The following DOCK11 variants were observed in gnomAD, a reference collection of about 807,000 sequenced individuals.
DOCK11 encodes dedicator of cytokinesis protein 11.
Under a neutral mutation model 169.1 loss-of-function variants are expected in DOCK11, and 70 were observed. The ratio of observed to expected loss-of-function variants is 0.41; its 90% CI spans 0.34 to 0.51. The LOEUF (loss-of-function observed/expected upper bound fraction) is 0.51. Among genes scored for constraint, DOCK11 ranks in the 20% least tolerant of loss-of-function variants. DOCK11 has a pLI of 0.10. For missense variants in DOCK11, 1,166 were observed against 1,538.8 expected (o/e 0.76, Z 4.05); for synonymous variants, 529 against 541.3 (o/e 0.98, Z 0.32).
At chrX:118,568,424 A>G (rs1234302416) in intron 10 of DOCK11, among the ~76,000 whole-genome samples, 1 of 45,499 alleles carries the variant, frequency 2.2e-5, no homozygotes, top group East Asian at 7.5e-4. Flanking sequence ...ATATATATAT[A>G]TTTCTCAGTT....
chrX:118,546,171 T>A, intron 6 of DOCK11, 55 bp downstream of exon 6: 1 of 430,454 alleles, frequency 2.3e-6, no homozygotes, highest in East Asian at 4.5e-5. Context: ...GCATAAGTAG[T>A]CTATCTGGAA....
intron 6 of DOCK11, among the ~76,000 whole-genome samples, chrX:118,557,486 A>G (rs1385142232): frequency 9.0e-6 from 1 of 110,930 alleles, no homozygotes; most frequent in African/African-American, 3.3e-5. Flanking sequence ...AGTCCAAGGA[A>G]GGCCGGGCGC....
At chrX:118,561,021 G>T (rs891846512) in intron 6 of DOCK11, among the ~76,000 whole-genome samples, 1 of 111,580 alleles carries the variant, frequency 9.0e-6, no homozygotes, top group Non-Finnish European at 1.9e-5. Flanking sequence ...GTTTATTCTT[G>T]GATTCGTGGT....
rs2016779659 is a variant in DOCK11, at chrX:118,683,061, T to G, written c.5964-18T>G. 3 of 1,191,924 alleles carry G rather than the reference T, an allele frequency of 2.5e-6. No homozygotes were observed. The highest frequency in any genetic ancestry group is 2.3e-6 in the Non-Finnish European group (2 of 885,866). On this transcript the variant is annotated intron_variant, in intron 51 of 52. Transcript: ENST00000276202. The stretch of plus-strand genomic sequence containing the variant: ...AAGAATAAATAACAAGACCTTTATC[T>G]TTGATATTCATCCACAGGAAATTTA...
intron 19 of DOCK11, among the ~76,000 whole-genome samples, chrX:118,592,462 A>G (rs931234860): frequency 3.6e-5 from 4 of 112,084 alleles, no homozygotes; most frequent in African/African-American, 1.3e-4. Flanking sequence ...CATGCTTTCA[A>G]TCATTCACTG....
chrX:118,642,291 A>G (rs756146146), intron 39 of DOCK11, among the ~76,000 whole-genome samples: 5 of 111,891 alleles, frequency 4.5e-5, no homozygotes, highest in African/African-American at 1.6e-4. Flanking sequence ...GTGCTTTACA[A>G]ATATTAACTC....
At chrX:118,626,253 G>C (rs1249309188) in intron 32 of DOCK11, among the ~76,000 whole-genome samples, 1 of 58,870 alleles carries the variant, frequency 1.7e-5, no homozygotes, top group African/African-American at 4.7e-5. Flanking sequence ...ACTTTTAGTA[G>C]AGACGGGGGG....
chrX:118,545,932 G>A (rs1004934589), intron 5 of DOCK11, 89 bp from the exon 6 acceptor site: 4 of 582,957 alleles, frequency 6.9e-6, no homozygotes, highest in Middle Eastern at 4.9e-4. Flanking sequence ...TTAGGAAATG[G>A]GCAGGGCCTC....
chrX:118,523,845 A>C (rs1027958365), intron 1 of DOCK11, among the ~76,000 whole-genome samples: 2 of 111,864 alleles, frequency 1.8e-5, no homozygotes, highest in African/African-American at 6.5e-5. Context: ...CTGAAGAGAA[A>C]GGAAATAAGG....
chrX:118,670,585 A>G (rs2016445015), intron 45 of DOCK11, among the ~76,000 whole-genome samples: 2 of 111,932 alleles, frequency 1.8e-5, no homozygotes, highest in Non-Finnish European at 3.8e-5. Flanking sequence ...TAAACCACCA[A>G]CACAATAGCT....
At chrX:118,581,336 CA>C (rs983597559) in intron 14 of DOCK11, among the ~76,000 whole-genome samples, 2 of 111,192 alleles carry the variant, frequency 1.8e-5, no homozygotes, top group Non-Finnish European at 3.8e-5. Flanking sequence ...CCTTGTTTTG[CA>C]GACTGGTAAA....
chrX:118,663,580 GT>G (rs2016269314), intron 45 of DOCK11, among the ~76,000 whole-genome samples: 1 of 109,891 alleles, frequency 9.1e-6, no homozygotes, highest in South Asian at 3.9e-4. Flanking sequence ...ATAGCAGTAG[GT>G]TCCCATAGAG....
At chrX:118,515,063 T>C (rs1330829021) in intron 1 of DOCK11, among the ~76,000 whole-genome samples, 1 of 111,674 alleles carries the variant, frequency 9.0e-6, no homozygotes, top group East Asian at 2.8e-4. Context: ...CAGCATTCCT[T>C]GGCTTGTGGT....
At chrX:118,548,390 C>A (rs2012361813) in intron 6 of DOCK11, among the ~76,000 whole-genome samples, 1 of 111,965 alleles carries the variant, frequency 8.9e-6, no homozygotes, top group African/African-American at 3.2e-5. Context: ...TCCCTGGAAC[C>A]AGTCAATGGT....
At chrX:118,653,540 G>T (rs1431583710) in intron 42 of DOCK11, among the ~76,000 whole-genome samples, 1 of 110,883 alleles carries the variant, frequency 9.0e-6, no homozygotes. Flanking sequence ...AGCCTCCCGA[G>T]TAGCTGGGAT....
intron 44 of DOCK11, among the ~76,000 whole-genome samples, chrX:118,659,360 C>T (rs2016158393): frequency 8.9e-6 from 1 of 112,106 alleles, no homozygotes; most frequent in Non-Finnish European, 1.9e-5. Flanking sequence ...ATAGCAGACT[C>T]TCCAGGACCA....
Position 118,608,345 on chromosome X carries a change from A to C in DOCK11, c.2866A>C (p.Lys956Gln). The change falls in exon 26 of 53, where the codon AAA (lysine) becomes CAA (glutamine). Residue 956 changes from lysine (K) to glutamine (Q), a missense_variant. Lys to Gln is a moderately conservative substitution (Grantham distance 53). Transcript: ENST00000276202. ...GTCTGCAGATTTTTTATCAATAAACAAATTGCTAAAGGTATGAACACAGGA... is the reference window on the plus strand; with the variant it reads ...GTCTGCAGATTTTTTATCAATAAACCAATTGCTAAAGGTATGAACACAGGA... Reference protein sequence around the residue: ...KQSADFLSINKLLKYSWFFFE... With the variant: ...KQSADFLSINQLLKYSWFFFE... 1 of 1,208,282 alleles carries C rather than the reference A, an allele frequency of 8.3e-7. No homozygotes were observed. The highest frequency in any genetic ancestry group is 1.1e-6 in the Non-Finnish European group (1 of 894,282).
chrX:118,503,186 A>T (rs1281066604), intron 1 of DOCK11, among the ~76,000 whole-genome samples: 1 of 105,252 alleles, frequency 9.5e-6, no homozygotes, highest in African/African-American at 3.5e-5. Context: ...CGGGCTCCTG[A>T]GTAGCTGGGA....
At chrX:118,613,817 G>C (rs1207107689) in intron 28 of DOCK11, among the ~76,000 whole-genome samples, 1 of 112,347 alleles carries the variant, frequency 8.9e-6, no homozygotes, top group East Asian at 2.8e-4. Context: ...GCAAGACTCT[G>C]CCTGTCTCTC....
Sources: gnomAD v4.1 joint callset for allele counts (sites outside exome capture counted in the v4.1 genomes callset) on GRCh38, gnomAD v4.1.1 for gene constraint, MANE v1.5 for transcripts, NCBI Gene and HGNC (gene_info 2026-07-23, HGNC 2026-07-21) for gene names.